The following GALNT14 variants were observed in gnomAD, a reference collection of about 807,000 sequenced individuals.
The protein encoded by GALNT14 is UDP-GalNAc:polypeptide N-acetylgalactosaminyltransferase 14.
A neutral mutation model predicts 77.5 loss-of-function variants in GALNT14; 60 were observed. That is an observed-to-expected ratio of 0.77 (90% CI 0.63 to 0.96). The LOEUF is 0.96. Among genes scored for constraint, GALNT14 ranks in the 40% least tolerant of loss-of-function variants. The pLI is 0.00. For missense variants in GALNT14, 710 were observed against 731.0 expected (o/e 0.97, Z 0.33); for synonymous variants, 280 against 281.7 (o/e 0.99, Z 0.06).
At chr2:31,021,464 C>A (rs1671714193) in intron 1 of GALNT14, among the ~76,000 whole-genome samples, 1 of 151,862 alleles carries the variant, frequency 6.6e-6, no homozygotes, top group African/African-American at 2.4e-5. Context: ...ACCACGACAC[C>A]TGGCTAATTT....
intron 1 of GALNT14, among the ~76,000 whole-genome samples, chr2:31,001,368 G>C (rs1670359867): frequency 6.6e-6 from 1 of 152,166 alleles, no homozygotes; most frequent in African/African-American, 2.4e-5. Context: ...CTAGAGGTAG[G>C]GTAGTTGAAT....
intron 9 of GALNT14, among the ~76,000 whole-genome samples, chr2:30,941,251 A>G (rs901106485): frequency 2.6e-5 from 4 of 152,190 alleles, no homozygotes; most frequent in Admixed American, 6.5e-5. Context: ...TGTTCATTCA[A>G]CAAATAGTTA....
intron 1 of GALNT14, chr2:31,132,728 A>C: frequency 2.1e-6 from 1 of 470,994 alleles, no homozygotes; most frequent in South Asian, 1.6e-5. Flanking sequence ...ACAAAAATGA[A>C]AACAGCCGTT....
chr2:30,894,208 G>A, the GALNT14 span, among the ~76,000 whole-genome samples: 1 of 152,126 alleles, frequency 6.6e-6, no homozygotes, highest in Non-Finnish European at 1.5e-5. Context: ...TCCTCTCACA[G>A]CAGTTACAGG....
At chr2:30,906,867 C>A (rs1453138075), downstream of GALNT14, among the ~76,000 whole-genome samples, 1 of 152,196 alleles carries the variant, frequency 6.6e-6, no homozygotes, top group Non-Finnish European at 1.5e-5. Flanking sequence ...ATCTCTCAGA[C>A]CACAGTGCAA....
intron 1 of GALNT14, among the ~76,000 whole-genome samples, chr2:31,038,086 T>TATATATATATATATATATATATATA (rs1558514656): frequency 2.8e-5 from 1 of 35,912 alleles, no homozygotes; most frequent in Non-Finnish European, 4.6e-5. Context: ...ATATATATAT[T>TATATATATATATATATATATATATA]TTTTTTTTTT....
chr2:31,027,874 C>A (rs534186756), intron 1 of GALNT14, among the ~76,000 whole-genome samples: 31 of 92,820 alleles, frequency 3.3e-4, no homozygotes, highest in Admixed American at 1.6e-3. Context: ...TCTAAGAGGG[C>A]CCAGATGTAT....
At chr2:31,094,310 TC>T (rs1676896931) in intron 1 of GALNT14, among the ~76,000 whole-genome samples, 1 of 152,174 alleles carries the variant, frequency 6.6e-6, no homozygotes, top group African/African-American at 2.4e-5. Flanking sequence ...CCACTGCCTA[TC>T]CCAAAACCTA....
intron 1 of GALNT14, among the ~76,000 whole-genome samples, chr2:31,078,507 A>C (rs572148952): frequency 2.0e-5 from 3 of 152,182 alleles, no homozygotes; most frequent in Non-Finnish European, 4.4e-5. Flanking sequence ...AGAATAAAGG[A>C]TCTAAGTCTG....
At chr2:30,908,172 A>C (rs1251145779), downstream of GALNT14, among the ~76,000 whole-genome samples, 1 of 146,744 alleles carries the variant, frequency 6.8e-6, no homozygotes, top group Non-Finnish European at 1.5e-5. Context: ...GCCCTCTCTC[A>C]CCACTCCTAT....
intron 1 of GALNT14, among the ~76,000 whole-genome samples, chr2:31,041,760 G>A (rs1168075599): frequency 6.6e-6 from 1 of 152,150 alleles, no homozygotes; most frequent in Non-Finnish European, 1.5e-5. Context: ...AGATGGAAAA[G>A]TAGTCACGGG....
chr2:31,064,003 T>C (rs1674777034), intron 1 of GALNT14, among the ~76,000 whole-genome samples: 1 of 152,212 alleles, frequency 6.6e-6, no homozygotes, highest in East Asian at 1.9e-4. Context: ...AGGATTTGAT[T>C]CTCATTTCAT....
intron 1 of GALNT14, among the ~76,000 whole-genome samples, chr2:31,103,401 G>C (rs902425499): frequency 2.6e-5 from 4 of 152,000 alleles, no homozygotes. Context: ...GATTGGGGTG[G>C]AGAGAGAAAG....
At chr2:30,894,241 A>G in the GALNT14 span, among the ~76,000 whole-genome samples, 1 of 152,180 alleles carries the variant, frequency 6.6e-6, no homozygotes, top group Non-Finnish European at 1.5e-5. Flanking sequence ...ATCTTAGCTC[A>G]CTGTAGCCTC....
At chr2:30,988,373 G>A (rs1027016831) in intron 2 of GALNT14, among the ~76,000 whole-genome samples, 3 of 152,154 alleles carry the variant, frequency 2.0e-5, no homozygotes, top group African/African-American at 7.2e-5. Context: ...GTGGGCCAAT[G>A]GCGATGGGGC....
the GALNT14 span, among the ~76,000 whole-genome samples, chr2:30,896,924 G>A: frequency 6.6e-6 from 1 of 151,966 alleles, no homozygotes; most frequent in Non-Finnish European, 1.5e-5. Flanking sequence ...GTCTTTAACA[G>A]GCCCCGCCTT....
At chr2:31,007,777 G>A (rs1670774927) in intron 1 of GALNT14, among the ~76,000 whole-genome samples, 1 of 152,128 alleles carries the variant, frequency 6.6e-6, no homozygotes, top group Non-Finnish European at 1.5e-5. Flanking sequence ...CGTTTCCTTA[G>A]TGCATTAAAA....
intron 2 of GALNT14, among the ~76,000 whole-genome samples, chr2:30,971,491 G>A (rs892647841): frequency 7.2e-5 from 11 of 152,054 alleles, no homozygotes; most frequent in Non-Finnish European, 5.9e-5. Flanking sequence ...CATGAGGAAG[G>A]CATGCTTTTC....
chr2:31,134,754 G>A (rs376003436), intron 1 of GALNT14, among the ~76,000 whole-genome samples: 2 of 152,174 alleles, frequency 1.3e-5, no homozygotes, highest in African/African-American at 2.4e-5. Context: ...TCTGGGAAGC[G>A]GGTGGGGAAT....
Sources: allele counts gnomAD v4.1 joint callset (sites outside exome capture counted in the v4.1 genomes callset), GRCh38; gene constraint gnomAD v4.1.1; transcripts MANE v1.5; gene names NCBI Gene and HGNC (gene_info 2026-07-23, HGNC 2026-07-21).